Variants in LRRTM4 observed in about 807,000 individuals in gnomAD.
LRRTM4 encodes the protein leucine rich repeat transmembrane neuronal 4, also known as leucine-rich repeat transmembrane neuronal protein 4.
A neutral mutation model predicts 47.6 loss-of-function variants in LRRTM4; 25 were observed. The observed-to-expected ratio is 0.53, with a 90% CI of 0.38 to 0.73. The LOEUF is 0.73. LRRTM4 is among the 30% of genes least tolerant of loss of function. LRRTM4 has a pLI of 0.00. For missense variants in LRRTM4, 638 were observed against 713.4 expected, an observed-to-expected ratio of 0.89 and a Z score of 1.20; for synonymous variants, 311 against 269.5, an observed-to-expected ratio of 1.15 and a Z score of -1.51.
At position 77,383,000 on chromosome 2, in the gene LRRTM4, A is replaced by T. The variant is rs142087632; in HGVS notation, c.1551+135318T>A. 5.6e-3 allele frequency among the ~76,000 whole-genome samples: 856 copies of T among 152,144 alleles called. 7 individuals carry two copies. The highest frequency in any genetic ancestry group is 9.6e-3 in the Non-Finnish European group (654 of 67,952). On this transcript the variant is annotated intron_variant, in intron 3 of 3. Coordinates refer to ENST00000409884, the MANE Select transcript of LRRTM4 (RefSeq NM_001134745.3). ...AGAGCTGCTGGCGTTTTCCATTTGG[A>T]GTGGTAAATTGCAAAAATTCCCCCA...
chr2:76,954,911 G>A (rs1573363879), intron 3 of LRRTM4, among the ~76,000 whole-genome samples: 1 of 151,572 alleles, frequency 6.6e-6, no homozygotes, highest in East Asian at 1.9e-4. Context: ...TAAAAGTGCT[G>A]GGGACAAAAC....
At chr2:77,194,630 G>A (rs1253402897) in intron 3 of LRRTM4, among the ~76,000 whole-genome samples, 5 of 152,000 alleles carry the variant, frequency 3.3e-5, no homozygotes, top group Admixed American at 2.6e-4. Context: ...GTCTCATCTG[G>A]CTACAACTGC....
chr2:77,086,009 G>C (rs983804217), intron 3 of LRRTM4, among the ~76,000 whole-genome samples: 1 of 152,144 alleles, frequency 6.6e-6, no homozygotes, highest in African/African-American at 2.4e-5. Context: ...GAGAAAGGGA[G>C]AAAGTACGTG....
intron 3 of LRRTM4, among the ~76,000 whole-genome samples, chr2:77,190,028 C>T (rs1323982599): frequency 6.6e-6 from 1 of 151,934 alleles, no homozygotes; most frequent in Non-Finnish European, 1.5e-5. Flanking sequence ...TCATCTCTTT[C>T]CTGTGTTTTA....
At chr2:77,492,924 C>A (rs546312896) in intron 3 of LRRTM4, among the ~76,000 whole-genome samples, 5 of 152,042 alleles carry the variant, frequency 3.3e-5, no homozygotes, top group Admixed American at 1.3e-4. Context: ...CTAGGAAAAT[C>A]TCAATTTGTC....
chr2:77,303,832 C>G (rs1220637988), intron 3 of LRRTM4, among the ~76,000 whole-genome samples: 1 of 151,974 alleles, frequency 6.6e-6, no homozygotes, highest in Admixed American at 6.6e-5. Context: ...TTATATATAT[C>G]ACGTTATCTT....
In LRRTM4 at chr2:77,099,163, T is replaced by A. The variant is rs1346214019; in HGVS notation, c.1552-350247A>T. Reference sequence around the variant, plus strand: ...TGATACAAGAATGTTCACAACGGTATGAATTCTCATACATATGACATCTAA... The same window carrying A: ...TGATACAAGAATGTTCACAACGGTAAGAATTCTCATACATATGACATCTAA... On this transcript the variant is annotated intron_variant, in intron 3 of 3. Coordinates refer to ENST00000409884, the MANE Select transcript of LRRTM4 (RefSeq NM_001134745.3). Among the ~76,000 whole-genome samples, 3 of 151,978 alleles carry A rather than the reference T, an allele frequency of 2.0e-5. 1 individual carries two copies. The highest frequency in any genetic ancestry group is 7.2e-5 in the African/African-American group (3 of 41,450).
In LRRTM4 at chr2:77,380,290, C is replaced by T. The variant is rs181216709; in HGVS notation, c.1551+138028G>A. ...TTTTAGGTAAATGGAAAGCCTCATG[C>T]ACAGTTCATGAGCTAACAGTCAGTA... On this transcript the variant is annotated intron_variant, in intron 3 of 3. Transcript: ENST00000409884. 7.9e-5 allele frequency among the ~76,000 whole-genome samples: 12 copies of T among 152,214 alleles called. No individual in the cohort carries two copies. In the East Asian group the frequency reaches 2.3e-3, roughly 29 times the overall value.
At chr2:77,261,211 A>G (rs528002885) in intron 3 of LRRTM4, among the ~76,000 whole-genome samples, 62 of 152,262 alleles carry the variant, frequency 4.1e-4, no homozygotes, top group Non-Finnish European at 5.4e-4. Context: ...AAAGTAAGCC[A>G]AAGCGTAGTG....
At chr2:76,815,891 T>A (rs1670883028) in intron 3 of LRRTM4, among the ~76,000 whole-genome samples, 1 of 152,142 alleles carries the variant, frequency 6.6e-6, no homozygotes. Flanking sequence ...GGTGGGCTCT[T>A]CTAAAACTTT....
At chr2:76,885,794 G>A (rs893560366) in intron 3 of LRRTM4, among the ~76,000 whole-genome samples, 1 of 151,982 alleles carries the variant, frequency 6.6e-6, no homozygotes, top group African/African-American at 2.4e-5. Context: ...AAAAAGCTAA[G>A]AATTGTCACC....
At chr2:76,905,742 A>G (rs965375426) in intron 3 of LRRTM4, among the ~76,000 whole-genome samples, 69 of 151,532 alleles carry the variant, frequency 4.6e-4, no homozygotes, top group Non-Finnish European at 8.2e-4. Context: ...AAGAAAGGGT[A>G]TCAGTGATGG....
chr2:77,428,432 A>AT (rs1675213829), intron 3 of LRRTM4, among the ~76,000 whole-genome samples: 2 of 152,114 alleles, frequency 1.3e-5, no homozygotes, highest in Admixed American at 1.3e-4. Context: ...TAATGTTCTT[A>AT]TTTTTTATTA....
intron 3 of LRRTM4, among the ~76,000 whole-genome samples, chr2:76,968,340 G>GTA (rs61103340): frequency 0.07 from 5,321 of 75,884 alleles, 172 homozygotes; most frequent in Non-Finnish European, 0.11. Flanking sequence ...GTGTATGTGT[G>GTA]TATATATATA....
intron 3 of LRRTM4, among the ~76,000 whole-genome samples, chr2:77,132,187 C>G (rs1572993180): frequency 1.3e-5 from 2 of 152,140 alleles, no homozygotes; most frequent in South Asian, 4.1e-4. Flanking sequence ...CATTCTACTC[C>G]CTACCTTCAT....
intron 3 of LRRTM4, among the ~76,000 whole-genome samples, chr2:76,951,126 GAAT>G (rs1675479312): frequency 6.6e-6 from 1 of 152,002 alleles, no homozygotes; most frequent in African/African-American, 2.4e-5. Flanking sequence ...TGGCTGCTCT[GAAT>G]AATAGTTGGA....
intron 3 of LRRTM4, among the ~76,000 whole-genome samples, chr2:76,849,988 G>C (rs911014030): frequency 6.6e-6 from 1 of 152,084 alleles, no homozygotes; most frequent in Non-Finnish European, 1.5e-5. Flanking sequence ...AGGTACTGAT[G>C]GTGGAGAGAA....
intron 3 of LRRTM4, among the ~76,000 whole-genome samples, chr2:76,967,447 G>A (rs1162153825): frequency 6.6e-6 from 1 of 151,448 alleles, no homozygotes; most frequent in African/African-American, 2.4e-5. Context: ...TCCAACATAA[G>A]GTCACTCAGT....
At chr2:77,342,990 A>T (rs1671430508) in intron 3 of LRRTM4, among the ~76,000 whole-genome samples, 2 of 151,972 alleles carry the variant, frequency 1.3e-5, no homozygotes, top group Non-Finnish European at 2.9e-5. Context: ...AAAGACTGTG[A>T]TAAAGTGGTT....
Sources: gnomAD v4.1 joint callset for allele counts (sites outside exome capture counted in the v4.1 genomes callset) on GRCh38, gnomAD v4.1.1 for gene constraint, MANE v1.5 for transcripts, NCBI Gene and HGNC (gene_info 2026-07-23, HGNC 2026-07-21) for gene names.